Variants in ABCC4 observed in about 807,000 individuals in gnomAD.
ABCC4 encodes ATP-binding cassette sub-family C member 4.
In ABCC4, 102 loss-of-function variants were observed where a neutral mutation model predicts 168.5. The observed-to-expected ratio is 0.61, with a 90% CI of 0.52 to 0.71. The LOEUF (loss-of-function observed/expected upper bound fraction) is 0.71, where lower values mean the gene tolerates loss of function less well. ABCC4 is among the 30% of genes least tolerant of loss of function. The probability of loss-of-function intolerance (pLI) is 0.00; values close to 1 mark genes in which losing one functional copy is unlikely to be tolerated. For missense variants in ABCC4, 1,402 were observed against 1,605.8 expected (o/e 0.87, Z 2.17); for synonymous variants, 617 against 590.7 (o/e 1.04, Z -0.65).
intron 19 of ABCC4, among the ~76,000 whole-genome samples, chr13:95,155,082 T>G (rs1259249637): frequency 3.3e-5 from 5 of 152,204 alleles, no homozygotes; most frequent in African/African-American, 1.2e-4. Flanking sequence ...CAACTTGTAG[T>G]GGATTCCAGA....
At chr13:95,075,579 C>T in intron 21 of ABCC4, 28 bp from the exon 22 acceptor site, 2 of 1,613,292 alleles carry the variant, frequency 1.2e-6, no homozygotes, top group Non-Finnish European at 1.7e-6. Flanking sequence ...GAAAACAGCT[C>T]AGTGAGGCTG....
intron 29 of ABCC4, among the ~76,000 whole-genome samples, chr13:95,040,201 T>C (rs1042077589): frequency 2.0e-5 from 3 of 152,146 alleles, no homozygotes; most frequent in African/African-American, 7.2e-5. Flanking sequence ...TCCCCAAAGC[T>C]CTGCAATTGT....
chr13:95,090,596 G>A (rs1324711197), intron 20 of ABCC4, among the ~76,000 whole-genome samples: 1 of 152,114 alleles, frequency 6.6e-6, no homozygotes, highest in East Asian at 1.9e-4. Context: ...TATATCAAGG[G>A]AACACCCTGT....
At chr13:95,150,616 A>G (rs1200818889) in intron 19 of ABCC4, among the ~76,000 whole-genome samples, 1 of 152,186 alleles carries the variant, frequency 6.6e-6, no homozygotes, top group Non-Finnish European at 1.5e-5. Flanking sequence ...CCTGGTGACC[A>G]AGAATGAGAA....
chr13:95,148,168 T>C (rs1318042776), intron 19 of ABCC4, among the ~76,000 whole-genome samples: 1 of 152,200 alleles, frequency 6.6e-6, no homozygotes, highest in African/African-American at 2.4e-5. Flanking sequence ...AATCAATTTT[T>C]AGCTGTTAGG....
At chr13:95,076,755 G>A (rs577318431) in intron 21 of ABCC4, among the ~76,000 whole-genome samples, 7 of 151,562 alleles carry the variant, frequency 4.6e-5, no homozygotes, top group Non-Finnish European at 7.4e-5. Context: ...GTGAGCCACC[G>A]CACCTGGCCT....
intron 4 of ABCC4, among the ~76,000 whole-genome samples, chr13:95,232,127 G>GGTA: frequency 6.7e-6 from 1 of 149,694 alleles, no homozygotes; most frequent in East Asian, 2.0e-4. Context: ...TGCTGATGAT[G>GGTA]ATGGTGGTGG....
chr13:95,222,007 T>A (rs1322027921), intron 4 of ABCC4, among the ~76,000 whole-genome samples: 1 of 152,244 alleles, frequency 6.6e-6, no homozygotes, highest in Non-Finnish European at 1.5e-5. Context: ...CTAGAAATTC[T>A]GAAACAGCAG....
chr13:95,267,327 T>C (rs1325967601), intron 1 of ABCC4, among the ~76,000 whole-genome samples: 2 of 152,000 alleles, frequency 1.3e-5, no homozygotes, highest in Non-Finnish European at 2.9e-5. Context: ...GCTGGTTTTA[T>C]AAAGTGGAGT....
At chr13:95,190,422 T>C (rs571694232) in intron 9 of ABCC4, among the ~76,000 whole-genome samples, 2 of 152,190 alleles carry the variant, frequency 1.3e-5, no homozygotes, top group Non-Finnish European at 2.9e-5. Flanking sequence ...ATATTTTCAA[T>C]TGAGAGGATT....
At chr13:95,270,979 C>T (rs995604509) in intron 1 of ABCC4, among the ~76,000 whole-genome samples, 4 of 152,160 alleles carry the variant, frequency 2.6e-5, no homozygotes, top group Admixed American at 2.6e-4. Flanking sequence ...CCTGTAGTCC[C>T]AGCTACTCGG....
intron 26 of ABCC4, among the ~76,000 whole-genome samples, chr13:95,060,578 C>CA (rs1304442653): frequency 1.3e-5 from 2 of 152,152 alleles, no homozygotes; most frequent in Non-Finnish European, 2.9e-5. Flanking sequence ...TGGGCATAAC[C>CA]AAAATATAAA....
chr13:95,115,889 C>T (rs752469565), intron 20 of ABCC4, 33 bp downstream of exon 20: 1 of 1,571,866 alleles, frequency 6.4e-7, no homozygotes, highest in Non-Finnish European at 8.7e-7. Flanking sequence ...TTCCGTTTTC[C>T]ATTTGAGATC....
chr13:95,073,376 C>A, intron 23 of ABCC4, 72 bp from the exon 24 acceptor site: 1 of 994,730 alleles, frequency 1.0e-6, no homozygotes. Context: ...CTGCCACTTA[C>A]CAAGAGGAAC....
chr13:95,145,182 TATACTGTTGG>T (rs1277259095), intron 19 of ABCC4, among the ~76,000 whole-genome samples: 1 of 152,060 alleles, frequency 6.6e-6, no homozygotes, highest in Non-Finnish European at 1.5e-5. Flanking sequence ...GGAACACATA[TATACTGTTGG>T]AGGAAATGGA....
chr13:95,086,822 T>C (rs1391635038), intron 20 of ABCC4, among the ~76,000 whole-genome samples: 3 of 152,234 alleles, frequency 2.0e-5, no homozygotes, highest in Non-Finnish European at 2.9e-5. Flanking sequence ...ATGTATTTAA[T>C]CATGAGGTCA....
intron 9 of ABCC4, 79 bp from the exon 10 acceptor site, chr13:95,188,621 A>T: frequency 8.6e-7 from 1 of 1,162,194 alleles, no homozygotes; most frequent in East Asian, 2.4e-5. Context: ...AAAACAATAC[A>T]ACAGTCATTG....
At chr13:95,253,188 G>A (rs986393832) in intron 1 of ABCC4, among the ~76,000 whole-genome samples, 3 of 152,160 alleles carry the variant, frequency 2.0e-5, no homozygotes, top group African/African-American at 7.2e-5. Context: ...CTCCAAAACA[G>A]CTCCATTGAA....
chr13:95,294,082 C>G (rs2041467749), intron 1 of ABCC4, among the ~76,000 whole-genome samples: 1 of 152,072 alleles, frequency 6.6e-6, no homozygotes, highest in Admixed American at 6.6e-5. Context: ...CCCTGATTCT[C>G]AATGGCTTAA....
Sources: gnomAD v4.1 joint callset for allele counts (sites outside exome capture counted in the v4.1 genomes callset) on GRCh38, gnomAD v4.1.1 for gene constraint, MANE v1.5 for transcripts, NCBI Gene and HGNC (gene_info 2026-07-23, HGNC 2026-07-21) for gene names.